Variants in CPA6 observed in about 807,000 individuals in gnomAD.
CPA6 encodes the protein carboxypeptidase B.
CPA6 carries 58 observed loss-of-function variants against 63.3 expected under a neutral mutation model. The ratio of observed to expected loss-of-function variants is 0.92; its 90% CI spans 0.74 to 1.14. The LOEUF is 1.14. CPA6 is among the 50% of genes most tolerant of loss of function. The probability of loss-of-function intolerance (pLI) is 0.00; values close to 1 mark genes in which losing one functional copy is unlikely to be tolerated. For missense variants in CPA6, 565 were observed against 526.6 expected (o/e 1.07, Z -0.71); for synonymous variants, 185 against 179.0 (o/e 1.03, Z -0.27).
intron 1 of CPA6, chr8:67,735,366 G>A (rs1817791982): frequency 1.3e-5 from 2 of 152,276 alleles, no homozygotes; most frequent in South Asian, 4.1e-4. Context: ...GTAAGTGTTT[G>A]TGGAATGAGG....
chr8:67,665,997 C>T (rs1473172184), intron 1 of CPA6, among the ~76,000 whole-genome samples: 2 of 152,224 alleles, frequency 1.3e-5, no homozygotes, highest in African/African-American at 2.4e-5. Context: ...TCTTCCATCT[C>T]TATAGGCTCA....
At chr8:67,650,563 A>G (rs1815813286) in intron 1 of CPA6, among the ~76,000 whole-genome samples, 1 of 152,134 alleles carries the variant, frequency 6.6e-6, no homozygotes, top group Non-Finnish European at 1.5e-5. Flanking sequence ...TGCCATGGAC[A>G]TCCATGAATA....
chr8:67,597,055 A>G (rs78475209), intron 2 of CPA6, among the ~76,000 whole-genome samples: 10,299 of 152,146 alleles, frequency 0.068, 629 homozygotes, highest in African/African-American at 0.16. Flanking sequence ...ACTAAAATTT[A>G]TTATTTTTGC....
chr8:67,728,807 G>A (rs1245639589), intron 1 of CPA6, among the ~76,000 whole-genome samples: 1 of 152,216 alleles, frequency 6.6e-6, no homozygotes, highest in African/African-American at 2.4e-5. Context: ...TCACTAGTAA[G>A]TGGAAGAACT....
chr8:67,681,170 C>A lies in CPA6; in HGVS notation c.117-56919G>T, dbSNP rs1011731328. 7.8e-4 allele frequency among the ~76,000 whole-genome samples: 105 copies of A among 135,232 alleles called. 2 individuals are homozygous for A. The highest frequency in any genetic ancestry group is 1.0e-3 in the Admixed American group (14 of 13,940). The allele number at this position is 135,232 out of a possible 152,430, so 88.7% of individuals were successfully genotyped here. ...GCTTTTGGTGTCATATGTAAGAAATCTTTGCTCAACCCAAGGTCACAAAGA... is the reference window on the plus strand; with the variant it reads ...GCTTTTGGTGTCATATGTAAGAAATATTTGCTCAACCCAAGGTCACAAAGA... On this transcript the variant is annotated intron_variant, in intron 1 of 10. Coordinates refer to ENST00000297770, the MANE Select transcript of CPA6 (RefSeq NM_020361.5).
chr8:67,454,388 AT>A (rs1563959253), intron 8 of CPA6, among the ~76,000 whole-genome samples: 1 of 152,184 alleles, frequency 6.6e-6, no homozygotes, highest in Non-Finnish European at 1.5e-5. Flanking sequence ...GGCCTTAGTT[AT>A]GTAGATTCTG....
intron 1 of CPA6, among the ~76,000 whole-genome samples, chr8:67,733,196 CAAAAAAAAA>C (rs1211323183): frequency 2.0e-4 from 3 of 14,896 alleles, no homozygotes; most frequent in Non-Finnish European, 4.1e-4. Context: ...GACTCCATCT[CAAAAAAAAA>C]AAAAAAAAAA....
chr8:67,504,894 G>C (rs1175067866), intron 6 of CPA6, among the ~76,000 whole-genome samples: 2 of 152,114 alleles, frequency 1.3e-5, no homozygotes, highest in Admixed American at 6.6e-5. Flanking sequence ...CTGTGCAGGA[G>C]GGAGGAGGAT....
rs142242157 is a variant in CPA6, at chr8:67,643,582, G to C, written c.117-19331C>G. 6.3e-3 allele frequency among the ~76,000 whole-genome samples: 955 copies of C among 152,034 alleles called. 5 individuals carry two copies. The highest frequency in any genetic ancestry group is 9.1e-3 in the Non-Finnish European group (616 of 67,990). Reference sequence around the variant, plus strand: ...AAATCAACTGAGCAATAAAAACAAGGCTACCGGTAACCTCAGAAGGAAGGG... The same window carrying C: ...AAATCAACTGAGCAATAAAAACAAGCCTACCGGTAACCTCAGAAGGAAGGG... On this transcript the variant is annotated intron_variant, in intron 1 of 10. Coordinates refer to ENST00000297770, the MANE Select transcript of CPA6 (RefSeq NM_020361.5).
intron 2 of CPA6, among the ~76,000 whole-genome samples, chr8:67,603,662 G>A (rs1429024323): frequency 6.6e-6 from 1 of 152,156 alleles, no homozygotes; most frequent in Non-Finnish European, 1.5e-5. Flanking sequence ...TGGGGTTGTG[G>A]TAGTCCATAT....
At position 67,422,247 on chromosome 8, in the gene CPA6, A is replaced by G. The variant is rs962699933; in HGVS notation, c.*257T>C. 5 of 328,002 alleles carry G rather than the reference A, an allele frequency of 1.5e-5. No homozygotes were observed. The highest frequency in any genetic ancestry group is 4.5e-5 in the Admixed American group (1 of 22,232). 20.3% of individuals were successfully genotyped at this position (328,002 alleles called of 1,614,324 possible). A position where few individuals can be genotyped will look rare whatever the true frequency, so the allele number is the denominator to read the frequency against. On this transcript the variant is annotated 3_prime_UTR_variant, in exon 11 of 11. Transcript: ENST00000297770. ...CATTTCTTGAGAAATGGGAAATTTGAAAACATTCCCTCCCACCATAATCAA... is the reference window on the plus strand; with the variant it reads ...CATTTCTTGAGAAATGGGAAATTTGGAAACATTCCCTCCCACCATAATCAA...
chr8:67,602,858 T>C (rs1814531768), intron 2 of CPA6, among the ~76,000 whole-genome samples: 1 of 152,200 alleles, frequency 6.6e-6, no homozygotes, highest in Non-Finnish European at 1.5e-5. Flanking sequence ...TTTCTGAACC[T>C]GCTTGGGAGC....
chr8:67,645,743 T>C (rs1308356769), intron 1 of CPA6, among the ~76,000 whole-genome samples: 1 of 152,238 alleles, frequency 6.6e-6, no homozygotes, highest in African/African-American at 2.4e-5. Context: ...ATGATGTCAA[T>C]ATTTTAATTT....
chr8:67,473,536 G>T (rs990743815), intron 8 of CPA6, among the ~76,000 whole-genome samples: 10 of 152,184 alleles, frequency 6.6e-5, no homozygotes, highest in Non-Finnish European at 1.2e-4. Context: ...GTTTATAAAA[G>T]ACTCTGTACT....
chr8:67,664,645 G>A (rs1448007865), intron 1 of CPA6, among the ~76,000 whole-genome samples: 1 of 151,976 alleles, frequency 6.6e-6, no homozygotes, highest in Non-Finnish European at 1.5e-5. Flanking sequence ...AGACTGCAAG[G>A]CTCATGTGGG....
chr8:67,509,840 A>G (rs968737908), intron 4 of CPA6, among the ~76,000 whole-genome samples: 6 of 152,202 alleles, frequency 3.9e-5, no homozygotes, highest in Non-Finnish European at 8.8e-5. Flanking sequence ...ATGTCTTTAT[A>G]TAGTTCTTCC....
chr8:67,629,133 A>C (rs1468573449), intron 1 of CPA6, among the ~76,000 whole-genome samples: 3 of 150,626 alleles, frequency 2.0e-5, no homozygotes, highest in East Asian at 1.9e-4. Flanking sequence ...TAACAAAAAA[A>C]CCCCCAAAAA....
intron 10 of CPA6, among the ~76,000 whole-genome samples, chr8:67,425,379 T>C (rs1167428653): frequency 6.6e-6 from 1 of 152,158 alleles, no homozygotes; most frequent in Non-Finnish European, 1.5e-5. Flanking sequence ...TTATTATTAT[T>C]GTTATTTTTT....
At chr8:67,707,236 T>C (rs1817156170) in intron 1 of CPA6, among the ~76,000 whole-genome samples, 1 of 152,216 alleles carries the variant, frequency 6.6e-6, no homozygotes, top group Non-Finnish European at 1.5e-5. Flanking sequence ...AGGACCCTCA[T>C]GGAGAGCTGA....
Sources: gnomAD v4.1 joint callset for allele counts (sites outside exome capture counted in the v4.1 genomes callset) on GRCh38, gnomAD v4.1.1 for gene constraint, MANE v1.5 for transcripts, NCBI Gene and HGNC (gene_info 2026-07-23, HGNC 2026-07-21) for gene names.